The following MGAT4A variants were observed in gnomAD, a reference collection of about 807,000 sequenced individuals.
The protein encoded by MGAT4A is N-acetylglucosaminyltransferase IVa.
In MGAT4A, 33 loss-of-function variants were observed where a neutral mutation model predicts 74.1. That is an observed-to-expected ratio of 0.45 (90% CI 0.34 to 0.60). The LOEUF (loss-of-function observed/expected upper bound fraction) is 0.60. Among genes scored for constraint, MGAT4A ranks in the 20% least tolerant of loss-of-function variants. MGAT4A has a pLI of 0.02. For synonymous variants in MGAT4A, 198 were observed against 210.4 expected (o/e 0.94, Z 0.51); for missense variants, 479 against 628.3 (o/e 0.76, Z 2.54).
At position 98,639,845 on chromosome 2, in the gene MGAT4A, T is replaced by C. The variant is rs762482751; in HGVS notation, c.1285A>G (p.Ile429Val). Residue 429 changes from isoleucine (I) to valine (V), a missense_variant, in exon 12 of 16, where the codon ATC (isoleucine) becomes GTC (valine). Ile to Val is a conservative substitution (Grantham distance 29). This residue lies in a region of MGAT4A where 236 missense variants were observed against 308.2 expected (regional missense o/e 0.77). Coordinates refer to ENST00000393487, the MANE Select transcript of MGAT4A (RefSeq NM_012214.3). ...WAITPIAGDY[I>V]LFKFDKPVNV... Reference sequence around the variant, plus strand: ...ACTGGTTTATCAAATTTAAACAAGATGTAGTCTCCAGCTATCGGTGTGATA... The same window carrying C: ...ACTGGTTTATCAAATTTAAACAAGACGTAGTCTCCAGCTATCGGTGTGATA... The C allele has an allele frequency of 6.8e-6, 11 of 1,613,678 alleles. No homozygotes were observed. In the East Asian group the frequency reaches 2.0e-4, roughly 29 times the overall value.
chr2:98,719,942 C>T (rs1323170652), intron 2 of MGAT4A, among the ~76,000 whole-genome samples: 1 of 152,136 alleles, frequency 6.6e-6, no homozygotes, highest in African/African-American at 2.4e-5. Flanking sequence ...CCACCATGCC[C>T]AGCCAGGATT....
chr2:98,713,206 AAAAG>A (rs1702542938), intron 2 of MGAT4A, among the ~76,000 whole-genome samples: 2 of 149,056 alleles, frequency 1.3e-5, no homozygotes, highest in African/African-American at 5.1e-5. Flanking sequence ...AAAAAAAAAA[AAAAG>A]CCGTTTATCT....
intron 14 of MGAT4A, among the ~76,000 whole-genome samples, chr2:98,629,956 G>T (rs1024829971): frequency 6.6e-6 from 1 of 152,194 alleles, no homozygotes; most frequent in Non-Finnish European, 1.5e-5. Context: ...GAGGCAGAGA[G>T]AAATGCTTGA....
At chr2:98,678,240 A>AT in intron 3 of MGAT4A, 64 bp downstream of exon 3, 1 of 363,058 alleles carries the variant, frequency 2.8e-6, no homozygotes, top group African/African-American at 2.5e-5. Context: ...AAAGAAAAAA[A>AT]AAAAAAAAAA....
chr2:98,623,069 T>A lies in MGAT4A; in HGVS notation c.*2497A>T. 1 of 985,452 alleles carries A rather than the reference T, an allele frequency of 1.0e-6. No individual in the cohort carries two copies. The highest frequency in any genetic ancestry group is 1.2e-6 in the Non-Finnish European group (1 of 830,010). The allele number at this position is 985,452 out of a possible 1,614,324, so 61.0% of individuals were successfully genotyped here. ...GAAAGAGGAGGGCAGGCTGGAATAA[T>A]TGGTCTCACATCCAGATGCTGACTG... On this transcript the variant is annotated 3_prime_UTR_variant, in exon 16 of 16. Transcript: ENST00000393487.
intron 2 of MGAT4A, among the ~76,000 whole-genome samples, chr2:98,720,365 G>C (rs1350118749): frequency 1.3e-5 from 2 of 152,202 alleles, no homozygotes; most frequent in East Asian, 3.8e-4. Context: ...GGTGGAGGAA[G>C]GGCAACTTTG....
Position 98,625,775 on chromosome 2 carries a change from G to T in MGAT4A, c.1529C>A (p.Ala510Asp). Residue 510 changes from alanine (A) to aspartate (D), a missense_variant, in exon 15 of 16, where the codon GCC (alanine) becomes GAC (aspartate). This residue lies in a region of MGAT4A where 236 missense variants were observed against 308.2 expected (regional missense o/e 0.77). Coordinates refer to ENST00000393487, the MANE Select transcript of MGAT4A (RefSeq NM_012214.3). The part of the protein sequence containing the change: ...MVDPSLNPIS[A>D]FRLSVIQNSA... Reference sequence around the variant, plus strand: ...ATTCTGAATAACTGAAAGTCGAAAGGCTGAAATGGGATTGAGACTTGGATC... The same window carrying T: ...ATTCTGAATAACTGAAAGTCGAAAGTCTGAAATGGGATTGAGACTTGGATC... 1 of 1,612,114 alleles carries T rather than the reference G, an allele frequency of 6.2e-7. No homozygotes were observed. Among genetic ancestry groups the T allele is most frequent in the Non-Finnish European group, 8.5e-7 (1 of 1,178,734 alleles).
At chr2:98,730,518 C>T (rs1702834698) in intron 1 of MGAT4A, among the ~76,000 whole-genome samples, 1 of 152,336 alleles carries the variant, frequency 6.6e-6, no homozygotes, top group Admixed American at 6.5e-5. Context: ...CAGCCCCTGC[C>T]CCTGCGCCTC....
chr2:98,694,935 C>G (rs1050447694), intron 2 of MGAT4A: 5 of 154,020 alleles, frequency 3.2e-5, no homozygotes, highest in African/African-American at 9.7e-5. Flanking sequence ...ATGCAACCCC[C>G]CCCTTCCGAT....
intron 2 of MGAT4A, among the ~76,000 whole-genome samples, chr2:98,725,192 T>C (rs1702743682): frequency 1.3e-5 from 2 of 152,194 alleles, no homozygotes; most frequent in African/African-American, 4.8e-5. Context: ...AGCAAGTTTT[T>C]CATTCATTTT....
chr2:98,706,622 C>T (rs1480139375), intron 2 of MGAT4A, among the ~76,000 whole-genome samples: 1 of 150,962 alleles, frequency 6.6e-6, no homozygotes, highest in African/African-American at 2.4e-5. Context: ...AGCCACTGTG[C>T]CCGGCCTGAT....
intron 2 of MGAT4A, among the ~76,000 whole-genome samples, chr2:98,704,246 T>G (rs1702392568): frequency 6.6e-6 from 1 of 152,190 alleles, no homozygotes; most frequent in South Asian, 2.1e-4. Flanking sequence ...TGCCGGCCTA[T>G]GTAAAAAGTG....
intron 12 of MGAT4A, among the ~76,000 whole-genome samples, chr2:98,638,580 A>G (rs533601642): frequency 6.6e-6 from 1 of 152,376 alleles, no homozygotes; most frequent in Non-Finnish European, 1.5e-5. Context: ...GTGGTAAACA[A>G]TATCTCAAAG....
chr2:98,664,857 T>C (rs1036683057), intron 4 of MGAT4A, among the ~76,000 whole-genome samples: 6 of 152,232 alleles, frequency 3.9e-5, no homozygotes, highest in African/African-American at 7.2e-5. Context: ...CAGTGATTTT[T>C]AGGAACACTT....
At chr2:98,684,949 C>T (rs1222171610) in intron 2 of MGAT4A, among the ~76,000 whole-genome samples, 2 of 151,974 alleles carry the variant, frequency 1.3e-5, no homozygotes, top group Non-Finnish European at 2.9e-5. Context: ...GTTGATAAGT[C>T]CTCTGGGCCG....
At chr2:98,717,738 A>ACTGTT (rs1702611810) in intron 2 of MGAT4A, among the ~76,000 whole-genome samples, 1 of 152,180 alleles carries the variant, frequency 6.6e-6, no homozygotes, top group Non-Finnish European at 1.5e-5. Context: ...TTACTGTTTT[A>ACTGTT]CTGTTCTGCA....
rs1701069534 is a variant in MGAT4A at position 98,622,053 on chromosome 2, G to A, written c.*3513C>T. On this transcript the variant is annotated 3_prime_UTR_variant, in exon 16 of 16. Transcript: ENST00000393487. ...TACACAGTATGGTACAGCGCGTGATGTGGAGAATGCATGAGACTAAGATAA... is the reference window on the plus strand; with the variant it reads ...TACACAGTATGGTACAGCGCGTGATATGGAGAATGCATGAGACTAAGATAA... The A allele has an allele frequency of 3.0e-6, 3 of 985,488 alleles. No homozygotes were observed. Among genetic ancestry groups the A allele is most frequent in the Non-Finnish European group, 3.6e-6 (3 of 829,950 alleles). 61.0% of individuals were successfully genotyped at this position (985,488 alleles called of 1,614,324 possible).
chr2:98,627,695 A>G (rs1701167180), intron 14 of MGAT4A, among the ~76,000 whole-genome samples: 2 of 152,156 alleles, frequency 1.3e-5, no homozygotes, highest in Admixed American at 1.3e-4. Flanking sequence ...CGAATTTTCA[A>G]AGTGATAATA....
chr2:98,705,837 G>C (rs1351018299), intron 2 of MGAT4A, among the ~76,000 whole-genome samples: 1 of 151,898 alleles, frequency 6.6e-6, no homozygotes, highest in African/African-American at 2.4e-5. Context: ...CAGCTACTCG[G>C]GGGCTGAGGC....
Sources: allele counts gnomAD v4.1 joint callset (sites outside exome capture counted in the v4.1 genomes callset), GRCh38; gene constraint gnomAD v4.1.1; regional missense constraint gnomAD v4.1.1; transcripts MANE v1.5; gene names NCBI Gene and HGNC (gene_info 2026-07-23, HGNC 2026-07-21).